The following EPHA8 variants were observed in gnomAD, a reference collection of about 807,000 sequenced individuals.
The protein encoded by EPHA8 is ephrin type-A receptor 8.
A neutral mutation model predicts 103.6 loss-of-function variants in EPHA8; 58 were observed. That is an observed-to-expected ratio of 0.56 (90% CI 0.45 to 0.70). EPHA8 has a LOEUF of 0.70. Among genes scored for constraint, EPHA8 ranks in the 30% least tolerant of loss-of-function variants. EPHA8 has a pLI of 0.00. For missense variants in EPHA8, 1,304 were observed against 1,395.2 expected (o/e 0.93, Z 1.04); for synonymous variants, 559 against 572.5 (o/e 0.98, Z 0.34).
intron 3 of EPHA8, among the ~76,000 whole-genome samples, chr1:22,582,596 A>G (rs1641075867): frequency 1.3e-5 from 2 of 152,238 alleles, no homozygotes; most frequent in Admixed American, 1.3e-4. Context: ...TTGGAGGCCC[A>G]GAGAAGTGAA....
chr1:22,573,472 A>G (rs566434631), intron 2 of EPHA8, among the ~76,000 whole-genome samples: 6 of 152,302 alleles, frequency 3.9e-5, no homozygotes, highest in African/African-American at 1.4e-4. Flanking sequence ...AAGACTTGAG[A>G]TGCCCATGAC....
chr1:22,586,857 C>T lies in EPHA8; in HGVS notation c.979+222C>T, dbSNP rs142995895. Reference sequence around the variant, plus strand: ...CAGCCTCTGTCCTGTGTCACCTACACTGGAGGGCAGAATGGAGCTGGCCTC... The same window carrying T: ...CAGCCTCTGTCCTGTGTCACCTACATTGGAGGGCAGAATGGAGCTGGCCTC... On this transcript the variant is annotated intron_variant, in intron 4 of 16. Transcript: ENST00000166244. Among the ~76,000 whole-genome samples the T allele has an allele frequency of 2.3e-3, 346 of 152,332 alleles. 2 individuals are homozygous for T. The highest frequency in any genetic ancestry group is 7.8e-3 in the African/African-American group (324 of 41,576).
Position 22,589,303 on chromosome 1 carries a change from G to A in EPHA8, c.1315+97G>A. On this transcript the variant is annotated intron_variant, in intron 5 of 16. Transcript: ENST00000166244. The surrounding 1 kb of genome is among the most constrained non-coding windows in gnomAD (Gnocchi z 4.3). ...CAGAGCTCTGCCGGGGACGTGCTGT[G>A]GGCCTTTAGGCAAGTGCCTCTCTGG... 6.2e-7 allele frequency: 1 copy of A among 1,612,354 alleles called. No individual in the cohort carries two copies. The highest frequency in any genetic ancestry group is 8.5e-7 in the Non-Finnish European group (1 of 1,179,656).
At chr1:22,564,338 T>C (rs1222693510) in intron 1 of EPHA8, among the ~76,000 whole-genome samples, 2 of 146,070 alleles carry the variant, frequency 1.4e-5, no homozygotes, top group African/African-American at 5.2e-5. Context: ...AGGGCCACAG[T>C]CTGGCGACGG....
chr1:22,574,957 T>C (rs1216375874), intron 2 of EPHA8, among the ~76,000 whole-genome samples: 1 of 152,072 alleles, frequency 6.6e-6, no homozygotes, highest in Non-Finnish European at 1.5e-5. Flanking sequence ...CTTATTATTA[T>C]CATTTTTTTT....
At chr1:22,585,798 C>G (rs1392208066) in intron 3 of EPHA8, among the ~76,000 whole-genome samples, 1 of 152,138 alleles carries the variant, frequency 6.6e-6, no homozygotes, top group Non-Finnish European at 1.5e-5. Flanking sequence ...AGGGGAGAAG[C>G]CTGCGCTTCT....
chr1:22,569,301 A>T lies in EPHA8; in HGVS notation c.107A>T (p.Asp36Val). The T allele has an allele frequency of 6.2e-7, 1 of 1,612,788 alleles. No individual in the cohort carries two copies. The highest frequency in any genetic ancestry group is 8.5e-7 in the Non-Finnish European group (1 of 1,179,396). ...TCCTGTTTTACAGTGAATTTGCTGGACACGTCGACCATCCACGGGGACTGG... is the reference window on the plus strand; with the variant it reads ...TCCTGTTTTACAGTGAATTTGCTGGTCACGTCGACCATCCACGGGGACTGG... ...SAARGEVNLL[D>V]TSTIHGDWGW... is the part of the protein sequence containing the mutation. The change falls in exon 2 of 17, where the codon GAC becomes GTC. Residue 36 changes from aspartate to valine, a missense_variant. Asp to Val is a radical substitution (Grantham distance 152). Coordinates refer to ENST00000166244, the MANE Select transcript of EPHA8 (RefSeq NM_020526.5). This position sits in a 1 kb window ranked among gnomAD's most constrained non-coding sequence, Gnocchi z 4.5.
At chr1:22,564,135 G>C (rs1027175735) in intron 1 of EPHA8, among the ~76,000 whole-genome samples, 1 of 150,506 alleles carries the variant, frequency 6.6e-6, no homozygotes, top group Non-Finnish European at 1.5e-5. Context: ...GGACAGGGGG[G>C]TAGGCACTGG....
chr1:22,580,930 C>T (rs1237121854), intron 3 of EPHA8, among the ~76,000 whole-genome samples: 4 of 152,216 alleles, frequency 2.6e-5, no homozygotes, highest in Non-Finnish European at 5.9e-5. Flanking sequence ...CAAACCTCCC[C>T]TCATTCAGGT....
At chr1:22,586,747 G>C in intron 4 of EPHA8, 112 bp downstream of exon 4, 2 of 1,414,038 alleles carry the variant, frequency 1.4e-6, no homozygotes, top group South Asian at 2.7e-5. Flanking sequence ...GGCAGGGGCG[G>C]GTGGCTCTCT....
Position 22,590,596 on chromosome 1 carries a change from C to A in EPHA8, c.1315+1390C>A, listed in dbSNP as rs373159592. Among the ~76,000 whole-genome samples, 75 of 152,268 alleles carry A rather than the reference C, an allele frequency of 4.9e-4. No individual in the cohort carries two copies. In the South Asian group the frequency reaches 0.014, roughly 29 times the overall value. On this transcript the variant is annotated intron_variant, in intron 5 of 16. Transcript: ENST00000166244. Reference sequence around the variant, plus strand: ...CCAGCCCACGCCCATTTTCCATTGACCTGTGTGGCCTGTCCCTCTCTGTCT... The same window carrying A: ...CCAGCCCACGCCCATTTTCCATTGAACTGTGTGGCCTGTCCCTCTCTGTCT...
Position 22,601,882 on chromosome 1 carries a change from C to T in EPHA8, c.*141C>T, listed in dbSNP as rs776150450. 1 of 851,906 alleles carries T rather than the reference C, an allele frequency of 1.2e-6. No homozygotes were observed. Among genetic ancestry groups the T allele is most frequent in the Non-Finnish European group, 1.8e-6 (1 of 550,638 alleles). The allele number at this position is 851,906 out of a possible 1,614,324, so 52.8% of individuals were successfully genotyped here. A position where few individuals can be genotyped will look rare whatever the true frequency, so the allele number is the denominator to read the frequency against. On this transcript the variant is annotated 3_prime_UTR_variant, in exon 17 of 17. Transcript: ENST00000166244. ...GGTGCTGGAGGAGCTGAAGGCTTCGCCACAGGACCTGGAGTTATCAGGGGT... is the reference window on the plus strand; with the variant it reads ...GGTGCTGGAGGAGCTGAAGGCTTCGTCACAGGACCTGGAGTTATCAGGGGT...
At chr1:22,595,130 C>A in intron 7 of EPHA8, 100 bp from the exon 8 acceptor site, 1 of 975,876 alleles carries the variant, frequency 1.0e-6, no homozygotes, top group Non-Finnish European at 1.5e-6. Flanking sequence ...TCCCCACTGG[C>A]CCCAGGGTCA....
Position 22,598,284 on chromosome 1 carries a change from C to T in EPHA8, c.2178+72C>T. On this transcript the variant is annotated intron_variant, in intron 12 of 16. Transcript: ENST00000166244. The surrounding 1 kb of genome is among the most constrained non-coding windows in gnomAD (Gnocchi z 5.1). Reference sequence around the variant, plus strand: ...CCAGTCTGGGTGCTGGGAGATAGTGCAAAGCCCTCTAAGCCCCCTCCCTGG... The same window carrying T: ...CCAGTCTGGGTGCTGGGAGATAGTGTAAAGCCCTCTAAGCCCCCTCCCTGG... The T allele has an allele frequency of 6.7e-7, 1 of 1,485,768 alleles. No homozygotes were observed. The highest frequency in any genetic ancestry group is 9.3e-7 in the Non-Finnish European group (1 of 1,078,798). 92.0% of individuals were successfully genotyped at this position (1,485,768 alleles called of 1,614,324 possible).
chr1:22,597,231 A>C lies in EPHA8; in HGVS notation c.1766-81A>C. The C allele has an allele frequency of 7.0e-6, 8 of 1,149,654 alleles. No homozygotes were observed. Among genetic ancestry groups the C allele is most frequent in the Non-Finnish European group, 8.7e-6 (7 of 807,486 alleles). The allele number at this position is 1,149,654 out of a possible 1,614,324, so 71.2% of individuals were successfully genotyped here. ...CCAGAGACACCCCTCACCCCACCCC[A>C]GACCCATCCCAGGCCCAGGGAATGT... On this transcript the variant is annotated intron_variant, in intron 9 of 16. Transcript: ENST00000166244. The surrounding 1 kb of genome is among the most constrained non-coding windows in gnomAD (Gnocchi z 4.6).
intron 3 of EPHA8, among the ~76,000 whole-genome samples, chr1:22,578,666 TG>T (rs1557561263): frequency 6.6e-6 from 1 of 151,576 alleles, no homozygotes; most frequent in African/African-American, 2.4e-5. Context: ...TGTGAGTGTA[TG>T]TATGCATTTG....
intron 3 of EPHA8, among the ~76,000 whole-genome samples, chr1:22,585,056 C>CTGTGTGTGT (rs1557568113): frequency 2.3e-5 from 2 of 86,630 alleles, no homozygotes; most frequent in African/African-American, 1.5e-4. Context: ...TGTGTGCGCA[C>CTGTGTGTGT]GCGTGTGTCT....
At chr1:22,588,413 C>T (rs1641277385) in intron 4 of EPHA8, among the ~76,000 whole-genome samples, 1 of 152,224 alleles carries the variant, frequency 6.6e-6, no homozygotes, top group Admixed American at 6.5e-5. Context: ...CGGTGGGCTT[C>T]TGGGGGCCTC....
At chr1:22,580,820 A>C (rs1316666887) in intron 3 of EPHA8, among the ~76,000 whole-genome samples, 1 of 152,194 alleles carries the variant, frequency 6.6e-6, no homozygotes, top group African/African-American at 2.4e-5. Flanking sequence ...AGCTAGTGAG[A>C]GCTGGAGCCT....
Sources: gnomAD v4.1 joint callset for allele counts (sites outside exome capture counted in the v4.1 genomes callset) on GRCh38, gnomAD v4.1.1 for gene constraint, Gnocchi (gnomAD v3.1) non-coding constraint, MANE v1.5 for transcripts, NCBI Gene and HGNC (gene_info 2026-07-23, HGNC 2026-07-21) for gene names.